EIPR1: variants seen among roughly 807,000 people sequenced by gnomAD.
EIPR1 encodes the protein EARP and GARP complex-interacting protein 1.
In EIPR1, 25 loss-of-function variants were observed where a neutral mutation model predicts 48.1. The observed-to-expected ratio is 0.52, with a 90% confidence interval of 0.38 to 0.73. EIPR1 has a LOEUF of 0.73. EIPR1 is among the 30% of genes least tolerant of loss of function. The probability of loss-of-function intolerance (pLI) is 0.00; values close to 1 mark genes in which losing one functional copy is unlikely to be tolerated. For missense variants in EIPR1, 415 were observed against 506.2 expected, an observed-to-expected ratio of 0.82 and a Z score of 1.73; for synonymous variants, 204 against 201.9, an observed-to-expected ratio of 1.01 and a Z score of -0.09.
chr2:3,291,436 A>T (rs966955631), intron 3 of EIPR1, among the ~76,000 whole-genome samples: 2 of 152,184 alleles, frequency 1.3e-5, no homozygotes, highest in Non-Finnish European at 2.9e-5. Context: ...AACACTTAGA[A>T]CTCATAACTA....
At chr2:3,328,053 G>A (rs1043945687) in intron 3 of EIPR1, among the ~76,000 whole-genome samples, 1 of 152,124 alleles carries the variant, frequency 6.6e-6, no homozygotes, top group Non-Finnish European at 1.5e-5. Context: ...AAGAGAGGGT[G>A]GGGAGTGGGC....
chr2:3,246,719 C>T (rs1666806500), intron 4 of EIPR1, among the ~76,000 whole-genome samples: 1 of 148,784 alleles, frequency 6.7e-6, no homozygotes. Context: ...TAGCCTCCTC[C>T]CTGCCGGGGT....
At chr2:3,304,058 T>C (rs201583342) in intron 3 of EIPR1, among the ~76,000 whole-genome samples, 1 of 152,162 alleles carries the variant, frequency 6.6e-6, no homozygotes, top group African/African-American at 2.4e-5. Flanking sequence ...GACTCTGATG[T>C]AGGAAGACAG....
chr2:3,230,464 G>T (rs1666207299), intron 4 of EIPR1, among the ~76,000 whole-genome samples: 1 of 152,164 alleles, frequency 6.6e-6, no homozygotes, highest in African/African-American at 2.4e-5. Flanking sequence ...CCTGCATTTT[G>T]ACTATAATCC....
At chr2:3,199,353 T>C (rs1481172186) in intron 5 of EIPR1, among the ~76,000 whole-genome samples, 1 of 152,080 alleles carries the variant, frequency 6.6e-6, no homozygotes, top group African/African-American at 2.4e-5. Flanking sequence ...GCAACATACA[T>C]CCTCAGCTTA....
At position 3,194,196 on chromosome 2, in the gene EIPR1, A is replaced by G. The variant is rs192074208; in HGVS notation, c.654-30T>C. On this transcript the variant is annotated intron_variant, in intron 6 of 8. Transcript: ENST00000382125. ...GGGAGAAGGAAGAACAGCAAAGGAA[A>G]ATAGTAAATGGATTAGGAAAAGCCA... The G allele has an allele frequency of 2.9e-3, 4,671 of 1,610,402 alleles. 11 individuals carry two copies. Among genetic ancestry groups the G allele is most frequent in the Non-Finnish European group, 3.4e-3 (4,006 of 1,177,624 alleles).
rs1670859568 is a variant in EIPR1, at chr2:3,361,852, T to C, written c.43-7219A>G. Among the ~76,000 whole-genome samples the C allele has an allele frequency of 2.6e-5, 4 of 152,036 alleles. No homozygotes were observed. The South Asian group carries it at 6.2e-4, about 24-fold the overall frequency. On this transcript the variant is annotated intron_variant, in intron 1 of 8. Transcript: ENST00000382125. ...CACCATCTGACCCTGCCCAAGCCCT[T>C]GGACTCCCTCACACGGGCACCTCCA...
Position 3,203,429 on chromosome 2 carries a change from C to A in EIPR1, c.517-6412G>T, listed in dbSNP as rs531987386. On this transcript the variant is annotated intron_variant, in intron 5 of 8. Coordinates refer to ENST00000382125, the MANE Select transcript of EIPR1 (RefSeq NM_003310.5). ...CAGAGAGATAGGTAACGTAAATAAACCTGATTGAAGGGGAACCACGTGCCG... is the reference window on the plus strand; with the variant it reads ...CAGAGAGATAGGTAACGTAAATAAAACTGATTGAAGGGGAACCACGTGCCG... Among the ~76,000 whole-genome samples, 115 of 152,346 alleles carry A rather than the reference C, an allele frequency of 7.5e-4. No individual in the cohort carries two copies. In the Middle Eastern group the frequency reaches 0.01, roughly 14 times the overall value.
Position 3,343,595 on chromosome 2 carries a change from ATT to A in EIPR1, c.127-5448_127-5447del, listed in dbSNP as rs376481508. On this transcript the variant is annotated intron_variant, in intron 2 of 8. Coordinates refer to ENST00000382125, the MANE Select transcript of EIPR1 (RefSeq NM_003310.5). ...ATCATCATTAAAATTTTTAAAGTTG[ATT>A]TTACCAGTGCTGGGCTAAGGCTATA... 1.5e-3 allele frequency among the ~76,000 whole-genome samples: 235 copies of A among 152,360 alleles called. 2 individuals are homozygous for A. Among genetic ancestry groups the A allele is most frequent in the African/African-American group, 5.5e-3 (227 of 41,584 alleles).
chr2:3,357,538 A>G (rs906901786), intron 1 of EIPR1, among the ~76,000 whole-genome samples: 2 of 152,262 alleles, frequency 1.3e-5, no homozygotes, highest in Non-Finnish European at 2.9e-5. Context: ...GGCCAATCCC[A>G]GCAGCCATAC....
intron 1 of EIPR1, among the ~76,000 whole-genome samples, chr2:3,360,233 A>C (rs755923576): frequency 7.9e-5 from 12 of 152,040 alleles, no homozygotes; most frequent in Non-Finnish European, 1.0e-4. Context: ...GTGAAAACCC[A>C]TCTCTACTAA....
At chr2:3,299,796 CTT>C (rs1467274964) in intron 3 of EIPR1, among the ~76,000 whole-genome samples, 1 of 152,146 alleles carries the variant, frequency 6.6e-6, no homozygotes, top group African/African-American at 2.4e-5. Flanking sequence ...CATTCCCTCT[CTT>C]GACAGTCTGT....
intron 3 of EIPR1, chr2:3,320,495 C>A (rs192712225): frequency 6.5e-6 from 1 of 153,128 alleles, no homozygotes; most frequent in Non-Finnish European, 1.5e-5. Context: ...GGCACAGACG[C>A]TCTCTTTGCT....
intron 3 of EIPR1, chr2:3,320,104 G>C: frequency 6.2e-6 from 1 of 162,404 alleles, no homozygotes; most frequent in Non-Finnish European, 1.3e-5. Context: ...CTGCAGGCAG[G>C]GCAACACCGC....
chr2:3,277,557 C>G (rs1347438799), intron 3 of EIPR1, among the ~76,000 whole-genome samples: 1 of 152,206 alleles, frequency 6.6e-6, no homozygotes, highest in African/African-American at 2.4e-5. Flanking sequence ...AACTCACTTA[C>G]CCGGTGAACA....
chr2:3,242,616 G>A (rs905967681), intron 4 of EIPR1, among the ~76,000 whole-genome samples: 4 of 152,232 alleles, frequency 2.6e-5, no homozygotes, highest in African/African-American at 4.8e-5. Flanking sequence ...TTCAGATGGC[G>A]TGGAAGCTTG....
intron 4 of EIPR1, among the ~76,000 whole-genome samples, chr2:3,216,812 T>G (rs1424111381): frequency 6.6e-6 from 1 of 152,224 alleles, no homozygotes; most frequent in Non-Finnish European, 1.5e-5. Flanking sequence ...GAATTCCAGG[T>G]CAGAGTGAAG....
At chr2:3,350,882 A>G (rs1208774301) in intron 2 of EIPR1, among the ~76,000 whole-genome samples, 1 of 151,964 alleles carries the variant, frequency 6.6e-6, no homozygotes, top group Non-Finnish European at 1.5e-5. Context: ...TTCAATTTAG[A>G]AGAAAGGAGA....
intron 4 of EIPR1, among the ~76,000 whole-genome samples, chr2:3,250,866 T>C (rs935004586): frequency 6.6e-6 from 1 of 152,180 alleles, no homozygotes; most frequent in African/African-American, 2.4e-5. Context: ...GGTTGTAAGT[T>C]TCCTAAAGCC....
Sources: gnomAD v4.1 joint callset for allele counts (sites outside exome capture counted in the v4.1 genomes callset) on GRCh38, gnomAD v4.1.1 for gene constraint, MANE v1.5 for transcripts, NCBI Gene and HGNC (gene_info 2026-07-23, HGNC 2026-07-21) for gene names.